The following CDK6 variants were observed in gnomAD, a reference collection of about 807,000 sequenced individuals.
The protein encoded by CDK6 is cyclin dependent kinase 6.
A neutral mutation model predicts 37.1 loss-of-function variants in CDK6; 6 were observed. That is an observed-to-expected ratio of 0.16 (90% CI 0.09 to 0.32). The LOEUF (loss-of-function observed/expected upper bound fraction) is 0.32. CDK6 is among the 10% of genes least tolerant of loss of function. The probability of loss-of-function intolerance (pLI) is 1.00; values close to 1 mark genes in which losing one functional copy is unlikely to be tolerated. For missense variants in CDK6, 224 were observed against 418.9 expected (o/e 0.53, Z 4.06); for synonymous variants, 160 against 161.3 (o/e 0.99, Z 0.06).
rs979993181 is a variant in CDK6 at position 92,606,049 on chromosome 7, T to C, written c.*9091A>G. The stretch of plus-strand genomic sequence containing the variant: ...TATAAGCAAACGGAATAAGAATAAT[T>C]ATGCACCTTTAAGGAACATGCACCC... On this transcript the variant is annotated 3_prime_UTR_variant, in exon 8 of 8. Transcript: ENST00000424848. The C allele has an allele frequency of 8.6e-6, 2 of 233,502 alleles. No homozygotes were observed. Among genetic ancestry groups the C allele is most frequent in the Admixed American group, 5.6e-5 (1 of 17,776 alleles). The allele number at this position is 233,502 out of a possible 1,614,324, so 14.5% of individuals were successfully genotyped here. A position where few individuals can be genotyped will look rare whatever the true frequency, so the allele number is the denominator to read the frequency against.
At chr7:92,763,957 A>G (rs1226425002) in intron 3 of CDK6, among the ~76,000 whole-genome samples, 1 of 152,136 alleles carries the variant, frequency 6.6e-6, no homozygotes, top group African/African-American at 2.4e-5. Context: ...TGGTTGATTC[A>G]CTGACCACAC....
intron 4 of CDK6, among the ~76,000 whole-genome samples, chr7:92,715,432 A>C (rs1031028296): frequency 6.6e-6 from 1 of 152,132 alleles, no homozygotes; most frequent in African/African-American, 2.4e-5. Flanking sequence ...TCTCTTTTGG[A>C]TGTTTCCCTG....
intron 4 of CDK6, among the ~76,000 whole-genome samples, chr7:92,703,017 T>C (rs1326954108): frequency 1.3e-5 from 2 of 152,140 alleles, no homozygotes; most frequent in African/African-American, 4.8e-5. Flanking sequence ...CATCGATGAG[T>C]GTCCCCTGGG....
chr7:92,815,748 G>C (rs1801013194), intron 2 of CDK6, among the ~76,000 whole-genome samples: 1 of 152,134 alleles, frequency 6.6e-6, no homozygotes, highest in African/African-American at 2.4e-5. Flanking sequence ...TACTGAAGAA[G>C]AGCTCCAGAA....
At chr7:92,805,957 C>T (rs903423998) in intron 2 of CDK6, among the ~76,000 whole-genome samples, 3 of 152,018 alleles carry the variant, frequency 2.0e-5, no homozygotes, top group South Asian at 4.1e-4. Flanking sequence ...TTAGTGAGTA[C>T]AAAATTTCAG....
intron 2 of CDK6, among the ~76,000 whole-genome samples, chr7:92,796,945 AT>A (rs1248528190): frequency 2.0e-5 from 3 of 152,164 alleles, no homozygotes; most frequent in African/African-American, 7.2e-5. Flanking sequence ...AAACTCTAAG[AT>A]GGAAATAGGG....
At chr7:92,779,865 G>A (rs1445561994) in intron 2 of CDK6, among the ~76,000 whole-genome samples, 4 of 152,164 alleles carry the variant, frequency 2.6e-5, no homozygotes. Flanking sequence ...AGAAATGCTA[G>A]ACTATAATAT....
chr7:92,763,473 C>G (rs1799506854), intron 3 of CDK6, among the ~76,000 whole-genome samples: 1 of 152,108 alleles, frequency 6.6e-6, no homozygotes, highest in African/African-American at 2.4e-5. Context: ...GTGATGAACA[C>G]TTTTTTAAAG....
chr7:92,743,201 C>G (rs1482248371), intron 3 of CDK6, among the ~76,000 whole-genome samples: 2 of 151,596 alleles, frequency 1.3e-5, no homozygotes, highest in Non-Finnish European at 2.9e-5. Context: ...CATGGTGAAA[C>G]CCCATATCTA....
intron 5 of CDK6, among the ~76,000 whole-genome samples, chr7:92,655,348 T>C (rs992197264): frequency 6.6e-6 from 1 of 152,194 alleles, no homozygotes; most frequent in Admixed American, 6.5e-5. Flanking sequence ...AAGCTGTTAA[T>C]ATGCAATCTG....
intron 3 of CDK6, among the ~76,000 whole-genome samples, chr7:92,750,079 G>A (rs1799153598): frequency 6.6e-6 from 1 of 152,130 alleles, no homozygotes; most frequent in African/African-American, 2.4e-5. Flanking sequence ...GTACAAGCAA[G>A]TATAGTAACA....
intron 2 of CDK6, among the ~76,000 whole-genome samples, chr7:92,778,862 A>G (rs978729571): frequency 6.7e-6 from 1 of 148,798 alleles, no homozygotes; most frequent in African/African-American, 2.5e-5. Context: ...TACATTGCTT[A>G]CCACTACCTG....
At chr7:92,809,015 T>G (rs1800806263) in intron 2 of CDK6, among the ~76,000 whole-genome samples, 1 of 152,172 alleles carries the variant, frequency 6.6e-6, no homozygotes, top group Non-Finnish European at 1.5e-5. Flanking sequence ...ATAAACACAT[T>G]TAACAATAAA....
At chr7:92,779,440 T>C (rs1276265287) in intron 2 of CDK6, among the ~76,000 whole-genome samples, 1 of 152,234 alleles carries the variant, frequency 6.6e-6, no homozygotes, top group Non-Finnish European at 1.5e-5. Flanking sequence ...TTAATGTATA[T>C]ACTTGCATAT....
At chr7:92,632,359 G>C (rs1467940239) in intron 5 of CDK6, among the ~76,000 whole-genome samples, 1 of 152,150 alleles carries the variant, frequency 6.6e-6, no homozygotes, top group Non-Finnish European at 1.5e-5. Context: ...AAAAGTATCA[G>C]TCATAAAGCA....
chr7:92,756,675 A>G (rs1440785740), intron 3 of CDK6, among the ~76,000 whole-genome samples: 1 of 152,218 alleles, frequency 6.6e-6, no homozygotes, highest in African/African-American at 2.4e-5. Flanking sequence ...TTCTACTTCC[A>G]GGGGAACTCT....
intron 3 of CDK6, among the ~76,000 whole-genome samples, chr7:92,760,967 C>T (rs914702837): frequency 3.9e-5 from 6 of 152,078 alleles, no homozygotes; most frequent in Middle Eastern, 3.4e-3. Context: ...TGTCTACCAG[C>T]GTTCTGTATA....
intron 3 of CDK6, among the ~76,000 whole-genome samples, chr7:92,731,446 C>A (rs1798647938): frequency 6.6e-6 from 1 of 152,148 alleles, no homozygotes; most frequent in African/African-American, 2.4e-5. Flanking sequence ...GAGCTTTGTT[C>A]CACAGCAAAG....
chr7:92,790,681 C>A (rs536318626), intron 2 of CDK6, among the ~76,000 whole-genome samples: 7 of 152,164 alleles, frequency 4.6e-5, no homozygotes, highest in Non-Finnish European at 8.8e-5. Flanking sequence ...TATACTTATT[C>A]AAATCCGCAC....
Sources: gnomAD v4.1 joint callset for allele counts (sites outside exome capture counted in the v4.1 genomes callset) on GRCh38, gnomAD v4.1.1 for gene constraint, MANE v1.5 for transcripts, NCBI Gene and HGNC (gene_info 2026-07-23, HGNC 2026-07-21) for gene names.